ADAMTS18: variants seen among roughly 807,000 people sequenced by gnomAD.
ADAMTS18 encodes the protein ADAM metallopeptidase with thrombospondin type 1 motif 18.
Under a neutral mutation model 165.9 loss-of-function variants are expected in ADAMTS18, and 157 were observed. The observed-to-expected ratio is 0.95, with a 90% confidence interval of 0.83 to 1.08. The LOEUF is 1.08. ADAMTS18 is among the 50% of genes least tolerant of loss of function. The pLI, the probability that ADAMTS18 is intolerant of heterozygous loss-of-function variation, is 0.00. For missense variants in ADAMTS18, 2,040 were observed against 1,534.0 expected, an observed-to-expected ratio of 1.33 and a Z score of -5.51; for synonymous variants, 782 against 578.2, an observed-to-expected ratio of 1.35 and a Z score of -5.06.
chr16:77,424,922 C>T (rs574424006), intron 3 of ADAMTS18, among the ~76,000 whole-genome samples: 161 of 152,308 alleles, frequency 1.1e-3, no homozygotes, highest in African/African-American at 3.5e-3. Flanking sequence ...AGCCTAGTTT[C>T]TTTCTGCCCG....
At position 77,406,755 on chromosome 16, in the gene ADAMTS18, C is replaced by T. The variant is rs752621608; in HGVS notation, c.495+24540G>A. On this transcript the variant is annotated intron_variant, in intron 3 of 22. Coordinates refer to ENST00000282849, the MANE Select transcript of ADAMTS18 (RefSeq NM_199355.4). ...CTGGACAAATAAAATTTTGTACATACACACACAGCCATAAAAAAGAATATC... is the reference window on the plus strand; with the variant it reads ...CTGGACAAATAAAATTTTGTACATATACACACAGCCATAAAAAAGAATATC... 7.2e-5 allele frequency among the ~76,000 whole-genome samples: 11 copies of T among 151,938 alleles called. 1 individual carries two copies. The highest frequency in any genetic ancestry group is 4.6e-4 in the Admixed American group (7 of 15,260).
chr16:77,433,195 C>G (rs1482758228), intron 2 of ADAMTS18, among the ~76,000 whole-genome samples: 1 of 152,148 alleles, frequency 6.6e-6, no homozygotes, highest in Non-Finnish European at 1.5e-5. Flanking sequence ...TAAAACTTAA[C>G]TATGAAAAAG....
chr16:77,428,460 C>T (rs2057700335), intron 3 of ADAMTS18, among the ~76,000 whole-genome samples: 1 of 152,102 alleles, frequency 6.6e-6, no homozygotes, highest in South Asian at 2.1e-4. Flanking sequence ...GCAAACTACA[C>T]CCATAATGTG....
intron 12 of ADAMTS18, among the ~76,000 whole-genome samples, chr16:77,334,603 A>G (rs1382311396): frequency 1.8e-5 from 2 of 112,092 alleles, no homozygotes; most frequent in Non-Finnish European, 3.3e-5. Flanking sequence ...GTATATATAT[A>G]CTACTATAGT....
rs754283808 is a variant in ADAMTS18, at chr16:77,355,996, G to T, written c.1404C>A (p.Asn468Lys). The T allele has an allele frequency of 1.2e-6, 2 of 1,613,940 alleles. No individual in the cohort carries two copies. The highest frequency in any genetic ancestry group is 2.7e-5 in the African/African-American group (2 of 74,896). Residue 468 changes from asparagine (N) to lysine (K), a missense_variant, in exon 9 of 23, where the codon AAC becomes AAA. Coordinates refer to ENST00000282849, the MANE Select transcript of ADAMTS18 (RefSeq NM_199355.4). ...AGGAAGACCATGAAAACACTCCATT[G>T]TTTCCGGTCAGTGTGGGAGACATGA... The part of the protein sequence containing the change: ...GNIMSPTLTG[N>K]NGVFSWSSCS...
intron 21 of ADAMTS18, chr16:77,290,973 A>C: frequency 2.2e-6 from 1 of 461,030 alleles, no homozygotes; most frequent in Non-Finnish European, 4.0e-6. Context: ...AACAGCAATG[A>C]CCAACATTAG....
intron 9 of ADAMTS18, among the ~76,000 whole-genome samples, chr16:77,354,489 A>G (rs1167188960): frequency 6.6e-6 from 1 of 152,082 alleles, no homozygotes; most frequent in East Asian, 1.9e-4. Context: ...TTGAGAGCAA[A>G]AATCAGTCCT....
At chr16:77,399,547 C>A (rs1200350064) in intron 3 of ADAMTS18, among the ~76,000 whole-genome samples, 1 of 152,156 alleles carries the variant, frequency 6.6e-6, no homozygotes, top group East Asian at 1.9e-4. Context: ...TTAAGAGACT[C>A]TACTACTACT....
At chr16:77,387,313 T>C (rs1384531141) in intron 3 of ADAMTS18, among the ~76,000 whole-genome samples, 1 of 152,204 alleles carries the variant, frequency 6.6e-6, no homozygotes, top group Non-Finnish European at 1.5e-5. Context: ...TGTCGGATAG[T>C]CATGGGTCAT....
rs564151402 is a variant in ADAMTS18 at position 77,332,364 on chromosome 16, C to T, written c.1859+3392G>A. 1.2e-4 allele frequency among the ~76,000 whole-genome samples: 18 copies of T among 152,216 alleles called. No individual in the cohort carries two copies. In the South Asian group the frequency reaches 3.5e-3, roughly 30 times the overall value. On this transcript the variant is annotated intron_variant, in intron 12 of 22. Coordinates refer to ENST00000282849, the MANE Select transcript of ADAMTS18 (RefSeq NM_199355.4). ...TCGGTGGGCTGACCCTCTGTGACCC[C>T]GTCCTCCTGGTGAGCTTGGGATGAG... is the stretch of plus-strand genomic sequence containing the variant.
intron 3 of ADAMTS18, among the ~76,000 whole-genome samples, chr16:77,401,750 T>C (rs1024021816): frequency 6.6e-6 from 1 of 152,234 alleles, no homozygotes; most frequent in African/African-American, 2.4e-5. Flanking sequence ...AAGCATCATC[T>C]AATTTCTTGA....
At chr16:77,307,552 C>T (rs2055703462) in intron 16 of ADAMTS18, among the ~76,000 whole-genome samples, 1 of 152,162 alleles carries the variant, frequency 6.6e-6, no homozygotes, top group Non-Finnish European at 1.5e-5. Context: ...GTTCTCTAAC[C>T]CGTCACAAAA....
chr16:77,374,441 G>C (rs892007629), intron 3 of ADAMTS18, among the ~76,000 whole-genome samples: 3 of 152,080 alleles, frequency 2.0e-5, no homozygotes, highest in Admixed American at 1.3e-4. Context: ...AACCCAGCAG[G>C]AAGCACAGGC....
intron 16 of ADAMTS18, among the ~76,000 whole-genome samples, chr16:77,315,759 G>C (rs1216862039): frequency 1.3e-5 from 2 of 152,176 alleles, no homozygotes; most frequent in East Asian, 3.8e-4. Flanking sequence ...CAAGTGCCCT[G>C]CTCAGTTAAC....
intron 10 of ADAMTS18, among the ~76,000 whole-genome samples, chr16:77,350,235 T>C (rs2056536253): frequency 6.6e-6 from 1 of 151,962 alleles, no homozygotes. Flanking sequence ...CTTCAACACT[T>C]TGGATGAGAA....
chr16:77,381,526 G>A (rs1355408274), intron 3 of ADAMTS18, among the ~76,000 whole-genome samples: 2 of 152,018 alleles, frequency 1.3e-5, no homozygotes, highest in African/African-American at 4.8e-5. Flanking sequence ...AGAGTCGGCT[G>A]GGTGGGGTGG....
rs1567481210 is a variant in ADAMTS18 at position 77,322,486 on chromosome 16, G to C, written c.2033-20C>G. 6.2e-7 allele frequency: 1 copy of C among 1,613,466 alleles called. No individual in the cohort carries two copies. Among genetic ancestry groups the C allele is most frequent in the African/African-American group, 1.3e-5 (1 of 75,008 alleles). ...CTTCCTCTAGAAACAAAGAGATCAA[G>C]ATAGGAAATGGTCAAGAGGAAACTA... On this transcript the variant is annotated intron_variant, in intron 13 of 22. Transcript: ENST00000282849.
chr16:77,396,795 C>T (rs2057263139), intron 3 of ADAMTS18, among the ~76,000 whole-genome samples: 1 of 147,532 alleles, frequency 6.8e-6, no homozygotes, highest in Non-Finnish European at 1.5e-5. Context: ...TGCCAGTCTT[C>T]ATTGCCTTTT....
intron 3 of ADAMTS18, among the ~76,000 whole-genome samples, chr16:77,428,766 G>C (rs887895921): frequency 6.6e-6 from 1 of 152,124 alleles, no homozygotes; most frequent in Non-Finnish European, 1.5e-5. Context: ...TTGCATTAGA[G>C]ATGCTCAACC....
Sources: allele counts gnomAD v4.1 joint callset (sites outside exome capture counted in the v4.1 genomes callset), GRCh38; gene constraint gnomAD v4.1.1; transcripts MANE v1.5; gene names NCBI Gene and HGNC (gene_info 2026-07-23, HGNC 2026-07-21).